RSF1: variants seen among roughly 807,000 people sequenced by gnomAD.
RSF1 encodes the protein HBV pX-associated protein 8.
RSF1 carries 13 observed loss-of-function variants against 145.2 expected under a neutral mutation model. That is an observed-to-expected ratio of 0.09 (90% CI 0.06 to 0.14). The LOEUF (loss-of-function observed/expected upper bound fraction) is 0.14, where lower values mean the gene tolerates loss of function less well. Among genes scored for constraint, RSF1 ranks in the 10% least tolerant of loss-of-function variants. The probability of loss-of-function intolerance (pLI) is 1.00; values close to 1 mark genes in which losing one functional copy is unlikely to be tolerated. For synonymous variants in RSF1, 577 were observed against 592.6 expected (o/e 0.97, Z 0.38); for missense variants, 1,517 against 1,718.2 (o/e 0.88, Z 2.07).
At chr11:77,810,881 G>A (rs1324462740) in intron 1 of RSF1, among the ~76,000 whole-genome samples, 1 of 152,116 alleles carries the variant, frequency 6.6e-6, no homozygotes, top group Non-Finnish European at 1.5e-5. Context: ...ATTTTTTTCT[G>A]TAAAGGGCTA....
intron 2 of RSF1, among the ~76,000 whole-genome samples, chr11:77,747,698 A>T (rs1948016521): frequency 6.6e-6 from 1 of 152,214 alleles, no homozygotes; most frequent in South Asian, 2.1e-4. Context: ...TAACAGACCA[A>T]AGAAAGAAGA....
chr11:77,698,674 A>C lies in RSF1; in HGVS notation c.2528T>G (p.Val843Gly). ...ACGTGTCCGAGAACCAGTCCATCGA[A>C]CTTTGCCTTTGGGTTTTACCTTGTA... ...KVSKVKPKGK[V>G]RWTGSRTRGR... The change falls in exon 7 of 16, where the codon GTT (valine) becomes GGT (glycine). Residue 843 changes from valine (V) to glycine (G), a missense_variant. Coordinates refer to ENST00000308488, the MANE Select transcript of RSF1 (RefSeq NM_016578.4). 1 of 1,614,110 alleles carries C rather than the reference A, an allele frequency of 6.2e-7. No homozygotes were observed. The highest frequency in any genetic ancestry group is 8.5e-7 in the Non-Finnish European group (1 of 1,179,994).
rs188515389 is a variant in RSF1 at position 77,735,091 on chromosome 11, G to C, written c.578+5640C>G. 3,089 of 926,190 alleles carry C rather than the reference G, an allele frequency of 3.3e-3. 6 individuals are homozygous for C. The highest frequency in any genetic ancestry group is 4.3e-3 in the Non-Finnish European group (2,502 of 586,606). The allele number at this position is 926,190 out of a possible 1,614,324, so 57.4% of individuals were successfully genotyped here. On this transcript the variant is annotated intron_variant, in intron 4 of 15. Coordinates refer to ENST00000308488, the MANE Select transcript of RSF1 (RefSeq NM_016578.4). ...GCGTGGCGCTGGGGCGGCGGCAGGG[G>C]CCTTGGGGCGGTCTGAGGGTGCCGT...
At chr11:77,760,429 T>C (rs1043523922) in intron 2 of RSF1, among the ~76,000 whole-genome samples, 1 of 152,210 alleles carries the variant, frequency 6.6e-6, no homozygotes, top group Non-Finnish European at 1.5e-5. Context: ...TTGATACTGA[T>C]TGATAACAGA....
chr11:77,786,841 C>T (rs554243935), intron 1 of RSF1, among the ~76,000 whole-genome samples: 128 of 152,248 alleles, frequency 8.4e-4, no homozygotes, highest in African/African-American at 2.9e-3. Flanking sequence ...AAACTAGACA[C>T]TCAAGACATT....
chr11:77,682,789 G>A (rs979184768), intron 11 of RSF1, among the ~76,000 whole-genome samples: 2 of 152,230 alleles, frequency 1.3e-5, no homozygotes, highest in Non-Finnish European at 2.9e-5. Flanking sequence ...GAAAAGAACT[G>A]GTTGCTATGA....
intron 5 of RSF1, among the ~76,000 whole-genome samples, chr11:77,719,234 C>T (rs1301930918): frequency 6.6e-6 from 1 of 152,116 alleles, no homozygotes; most frequent in Non-Finnish European, 1.5e-5. Flanking sequence ...GACCTTGACT[C>T]TAAAAATAAA....
intron 2 of RSF1, among the ~76,000 whole-genome samples, chr11:77,758,002 G>A (rs888856985): frequency 8.6e-5 from 13 of 151,992 alleles, no homozygotes; most frequent in East Asian, 5.8e-4. Flanking sequence ...GTGTGGTAGC[G>A]TGAGTCTGTA....
At chr11:77,668,578 G>A (rs868082356) in intron 15 of RSF1, among the ~76,000 whole-genome samples, 1 of 152,098 alleles carries the variant, frequency 6.6e-6, no homozygotes, top group African/African-American at 2.4e-5. Flanking sequence ...ACCAACTGCA[G>A]ATGGAAAATA....
intron 4 of RSF1, chr11:77,738,641 A>G (rs887412915): frequency 6.6e-6 from 1 of 152,144 alleles, no homozygotes; most frequent in Non-Finnish European, 1.5e-5. Flanking sequence ...CACATCATGC[A>G]TTAAGGTATA....
At position 77,667,411 on chromosome 11, in the gene RSF1, T is replaced by C. The variant is rs1027305704; in HGVS notation, c.3832A>G (p.Thr1278Ala). 6.2e-6 allele frequency: 10 copies of C among 1,614,040 alleles called. No individual in the cohort carries two copies. Among genetic ancestry groups the C allele is most frequent in the Non-Finnish European group, 8.5e-6 (10 of 1,180,032 alleles). Residue 1278 changes from threonine (T) to alanine (A), a missense_variant, in exon 16 of 16, where the codon ACA becomes GCA. Physicochemically the swap from Thr to Ala is moderately conservative, Grantham distance 58. Around this residue, in one of 12 missense-constraint regions of RSF1, gnomAD observed 240 missense variants for 231.8 expected, o/e 1.04. Transcript: ENST00000308488. Reference sequence around the variant, plus strand: ...TCATCTGCTTCTGAATACTCGTCTGTGCTTCGGCCCCGCTTTCGAACTGAC... The same window carrying C: ...TCATCTGCTTCTGAATACTCGTCTGCGCTTCGGCCCCGCTTTCGAACTGAC... Reference protein sequence around the residue: ...KRSVRKRGRSTDEYSEADEEE... With the variant: ...KRSVRKRGRSADEYSEADEEE...
chr11:77,787,833 T>TAAAAAAAAA (rs57568918), intron 1 of RSF1, among the ~76,000 whole-genome samples: 26 of 129,474 alleles, frequency 2.0e-4, no homozygotes, highest in Admixed American at 3.1e-4. Flanking sequence ...TTCAGAACAG[T>TAAAAAAAAA]AAAAAAAAAA....
At chr11:77,825,260 G>A (rs1318621619), upstream of RSF1, among the ~76,000 whole-genome samples, 1 of 151,908 alleles carries the variant, frequency 6.6e-6, no homozygotes, top group East Asian at 1.9e-4. Flanking sequence ...GGGATTACAG[G>A]CATGAGCCAC....
chr11:77,759,513 G>A (rs1470105754), intron 2 of RSF1, among the ~76,000 whole-genome samples: 3 of 152,088 alleles, frequency 2.0e-5, no homozygotes, highest in Non-Finnish European at 2.9e-5. Flanking sequence ...GTGAAACCCC[G>A]TCTTTACTAA....
chr11:77,701,932 C>G lies in RSF1; in HGVS notation c.1297G>C (p.Ala433Pro), dbSNP rs1267685198. ...AGCTGTTTCCCTTCATGACCCAAAG[C>G]AGTGATTGTAGAGATCCTTTTACAA... ...ETCKRISTIT[A>P]LGHEGKQLVN... Residue 433 changes from alanine to proline, a missense_variant, in exon 6 of 16, where the codon GCT becomes CCT. Ala to Pro is a conservative substitution (Grantham distance 27, BLOSUM62 -1). Transcript: ENST00000308488. 1.2e-6 allele frequency: 2 copies of G among 1,613,566 alleles called. No homozygotes were observed. The highest frequency in any genetic ancestry group is 2.7e-5 in the African/African-American group (2 of 74,878).
chr11:77,815,082 A>G (rs1948769396), intron 1 of RSF1, among the ~76,000 whole-genome samples: 1 of 152,228 alleles, frequency 6.6e-6, no homozygotes, highest in African/African-American at 2.4e-5. Context: ...ATGGAAGTAA[A>G]GGGGAAGTGG....
At chr11:77,711,644 C>T (rs994185083) in intron 5 of RSF1, among the ~76,000 whole-genome samples, 3 of 151,626 alleles carry the variant, frequency 2.0e-5, no homozygotes, top group Non-Finnish European at 2.9e-5. Context: ...CACTCCAGCC[C>T]GGCAAGAAGA....
chr11:77,749,731 T>C (rs1177827059), intron 2 of RSF1, among the ~76,000 whole-genome samples: 1 of 152,202 alleles, frequency 6.6e-6, no homozygotes, highest in Admixed American at 6.5e-5. Flanking sequence ...GTTTTGCAGA[T>C]TTCAAAGATA....
rs1286418993 is a variant in RSF1 at position 77,661,702 on chromosome 11, A to G, written c.*5215T>C. Reference sequence around the variant, plus strand: ...ATTTTAGGGTATTTTCCCACCTCCCATCCCTTAAAAGCTGTACAGTTATTT... The same window carrying G: ...ATTTTAGGGTATTTTCCCACCTCCCGTCCCTTAAAAGCTGTACAGTTATTT... On this transcript the variant is annotated 3_prime_UTR_variant, in exon 16 of 16. Coordinates refer to ENST00000308488, the MANE Select transcript of RSF1 (RefSeq NM_016578.4). 1.3e-5 allele frequency: 2 copies of G among 151,726 alleles called. No individual in the cohort carries two copies. Among genetic ancestry groups the G allele is most frequent in the African/African-American group, 4.8e-5 (2 of 41,306 alleles). 9.4% of individuals were successfully genotyped at this position (151,726 alleles called of 1,614,324 possible). A position where few individuals can be genotyped will look rare whatever the true frequency, so the allele number is the denominator to read the frequency against.
Sources: gnomAD v4.1 joint callset for allele counts (sites outside exome capture counted in the v4.1 genomes callset) on GRCh38, gnomAD v4.1.1 for gene constraint, gnomAD v4.1.1 regional missense constraint, MANE v1.5 for transcripts, NCBI Gene and HGNC (gene_info 2026-07-23, HGNC 2026-07-21) for gene names.